DPP6: variants seen among roughly 807,000 people sequenced by gnomAD.
DPP6 encodes the protein A-type potassium channel modulatory protein DPP6.
A neutral mutation model predicts 122.6 loss-of-function variants in DPP6; 69 were observed. The ratio of observed to expected loss-of-function variants is 0.56; its 90% CI spans 0.46 to 0.69. DPP6 has a LOEUF of 0.69. Ranked by LOEUF, DPP6 falls within the 30% of genes least tolerant of loss-of-function variation. The pLI is 0.00. For missense variants in DPP6, 928 were observed against 1,116.9 expected (o/e 0.83, Z 2.41); for synonymous variants, 418 against 433.1 (o/e 0.97, Z 0.43).
intron 7 of DPP6, among the ~76,000 whole-genome samples, chr7:154,690,623 C>A (rs2131214362): frequency 6.6e-6 from 1 of 152,144 alleles, no homozygotes; most frequent in South Asian, 2.1e-4. Flanking sequence ...ACCCAAACCA[C>A]CCCCCACCCC....
chr7:154,366,563 T>TC (rs1215571662), intron 1 of DPP6, among the ~76,000 whole-genome samples: 1 of 152,220 alleles, frequency 6.6e-6, no homozygotes, highest in East Asian at 1.9e-4. Flanking sequence ...ACTTCACTGG[T>TC]CCGCGGCAGG....
At chr7:154,013,156 C>A (rs1350135222) in intron 1 of DPP6, among the ~76,000 whole-genome samples, 1 of 152,222 alleles carries the variant, frequency 6.6e-6, no homozygotes, top group African/African-American at 2.4e-5. Context: ...CATGCTTCCC[C>A]CTTCACCTCC....
intron 3 of DPP6, among the ~76,000 whole-genome samples, chr7:154,514,551 TC>T (rs1826340922): frequency 2.6e-5 from 4 of 151,926 alleles, no homozygotes; most frequent in South Asian, 2.1e-4. Flanking sequence ...AACTCCCCAT[TC>T]CCCCAGCCCC....
At chr7:154,786,246 A>C (rs1043122373) in intron 10 of DPP6, among the ~76,000 whole-genome samples, 7 of 152,170 alleles carry the variant, frequency 4.6e-5, no homozygotes, top group Non-Finnish European at 8.8e-5. Context: ...CTGTATGTAG[A>C]ATTGTAGTGT....
At chr7:154,406,647 T>G (rs1293921223) in intron 1 of DPP6, among the ~76,000 whole-genome samples, 1 of 152,170 alleles carries the variant, frequency 6.6e-6, no homozygotes, top group Non-Finnish European at 1.5e-5. Context: ...GACCTCTAGG[T>G]CAATGGTTCT....
intron 1 of DPP6, among the ~76,000 whole-genome samples, chr7:154,401,445 A>T (rs1815590000): frequency 6.6e-6 from 1 of 152,186 alleles, no homozygotes; most frequent in Admixed American, 6.5e-5. Context: ...AAAGATGCAG[A>T]TGCAGAGAAA....
In DPP6 at chr7:154,388,074, G is replaced by A. The variant is rs560500189; in HGVS notation, c.244-58140G>A. Among the ~76,000 whole-genome samples the A allele has an allele frequency of 4.2e-4, 64 of 152,220 alleles. No individual in the cohort carries two copies. In the South Asian group the frequency reaches 0.013, roughly 31 times the overall value. On this transcript the variant is annotated intron_variant, in intron 1 of 25. Transcript: ENST00000377770. ...CCCATCACTTTGGAAGACCAAGGGG[G>A]GAGTTTCACTTGAGCCCAGAAGTTC...
chr7:153,786,599 C>T, the DPP6 span, among the ~76,000 whole-genome samples: 4 of 151,580 alleles, frequency 2.6e-5, no homozygotes, highest in African/African-American at 7.3e-5. Context: ...ATTAGCCGGG[C>T]GTGGTGGCGC....
intron 1 of DPP6, among the ~76,000 whole-genome samples, chr7:153,919,674 A>T (rs4726343): frequency 0.86 from 131,117 of 152,206 alleles, 56,535 homozygotes; most frequent in East Asian, 0.92. Flanking sequence ...TAGCCCCAAT[A>T]GGTCTGTTTT....
chr7:153,890,691 T>C (rs1298949798), intron 1 of DPP6, among the ~76,000 whole-genome samples: 1 of 135,798 alleles, frequency 7.4e-6, no homozygotes, highest in Non-Finnish European at 1.6e-5. Context: ...AACTTTTTTT[T>C]TTTTTTTTTT....
intron 1 of DPP6, among the ~76,000 whole-genome samples, chr7:154,186,960 GCTTCCTCCAGGCTGTCCTCC>G (rs1798381771): frequency 6.6e-6 from 1 of 152,230 alleles, no homozygotes; most frequent in South Asian, 2.1e-4. Flanking sequence ...GGCTGACTGG[GCTTCCTCCAGGCTGTCCTCC>G]TTCCTGAGCC....
intron 8 of DPP6, among the ~76,000 whole-genome samples, chr7:154,751,445 C>CA (rs36080228): frequency 0.16 from 21,292 of 136,770 alleles, 1,645 homozygotes; most frequent in East Asian, 0.23. Context: ...CCTAAAAATA[C>CA]AAAAAAAAAA....
rs144108455 is a variant in DPP6, at chr7:154,800,382, C to T, written c.1300-973C>T. On this transcript the variant is annotated intron_variant, in intron 12 of 25. Coordinates refer to ENST00000377770, the MANE Select transcript of DPP6 (RefSeq NM_130797.4). Reference sequence around the variant, plus strand: ...TACCATTAGTTCTCATCCCCGCATTCGTGTGAAGCTCCTTGAGTCAGAAAA... The same window carrying T: ...TACCATTAGTTCTCATCCCCGCATTTGTGTGAAGCTCCTTGAGTCAGAAAA... 3.5e-3 allele frequency among the ~76,000 whole-genome samples: 528 copies of T among 152,314 alleles called. 2 individuals carry two copies. Among genetic ancestry groups the T allele is most frequent in the African/African-American group, 0.012 (490 of 41,558 alleles).
intron 6 of DPP6, among the ~76,000 whole-genome samples, chr7:154,667,311 A>G (rs1304087969): frequency 6.6e-6 from 1 of 151,968 alleles, no homozygotes; most frequent in Non-Finnish European, 1.5e-5. Context: ...TTATGTTTTT[A>G]TGTAGTCCAA....
chr7:154,088,082 C>T (rs1804556811), intron 1 of DPP6, among the ~76,000 whole-genome samples: 3 of 152,156 alleles, frequency 2.0e-5, no homozygotes, highest in Non-Finnish European at 4.4e-5. Context: ...TGTGACCACA[C>T]TTTTGGAGTG....
chr7:153,980,155 C>T lies in DPP6; in HGVS notation c.51+92421C>T, dbSNP rs571239083. ...TCTTTGTACCTCTGGTAGAATTTGG[C>T]TGTGAATCCGTCTGGTCCTGGGCTT... On this transcript the variant is annotated intron_variant, in intron 1 of 25. Transcript: ENST00000404039. Among the ~76,000 whole-genome samples the T allele has an allele frequency of 2.6e-5, 4 of 152,270 alleles. No homozygotes were observed. In the South Asian group the frequency reaches 8.3e-4, roughly 32 times the overall value.
intron 20 of DPP6, among the ~76,000 whole-genome samples, chr7:154,879,650 G>T (rs1222863823): frequency 6.6e-6 from 1 of 151,862 alleles, no homozygotes; most frequent in Non-Finnish European, 1.5e-5. Context: ...TACTCAGGAG[G>T]TTGAGGCAGG....
intron 1 of DPP6, among the ~76,000 whole-genome samples, chr7:154,432,119 A>G (rs1200621118): frequency 6.6e-6 from 1 of 152,236 alleles, no homozygotes; most frequent in Non-Finnish European, 1.5e-5. Context: ...AATGAAGAGC[A>G]AAAATCACAG....
Position 154,063,601 on chromosome 7 carries a change from T to C in DPP6, c.243+10538T>C, listed in dbSNP as rs1280769553. On this transcript the variant is annotated intron_variant, in intron 1 of 25. Transcript: ENST00000377770. ...CTGGCTGATAGTACCCCCATCGCAGTGAGGGAGGCACCCCCCACGAGGCAG... is the reference window on the plus strand; with the variant it reads ...CTGGCTGATAGTACCCCCATCGCAGCGAGGGAGGCACCCCCCACGAGGCAG... 9.2e-4 allele frequency among the ~76,000 whole-genome samples: 32 copies of C among 34,896 alleles called. 1 individual carries two copies. The highest frequency in any genetic ancestry group is 1.9e-3 in the African/African-American group (10 of 5,184). The allele number at this position is 34,896 out of a possible 152,430, so 22.9% of individuals were successfully genotyped here.
Sources: gnomAD v4.1 joint callset for allele counts (sites outside exome capture counted in the v4.1 genomes callset) on GRCh38, gnomAD v4.1.1 for gene constraint, MANE v1.5 for transcripts, NCBI Gene and HGNC (gene_info 2026-07-23, HGNC 2026-07-21) for gene names.